Variants in TSHZ2 observed in about 807,000 individuals in gnomAD.
The protein encoded by TSHZ2 is teashirt zinc finger homeobox 2, also known as teashirt homolog 2.
A neutral mutation model predicts 74.4 loss-of-function variants in TSHZ2; 21 were observed. That is an observed-to-expected ratio of 0.28 (90% CI 0.20 to 0.41). The LOEUF (loss-of-function observed/expected upper bound fraction) is 0.41. Ranked by LOEUF, TSHZ2 falls within the 10% of genes least tolerant of loss-of-function variation. The pLI, the probability that TSHZ2 is intolerant of heterozygous loss-of-function variation, is 1.00. For synonymous variants in TSHZ2, 540 were observed against 515.3 expected (o/e 1.05, Z -0.65); for missense variants, 1,244 against 1,293.5 (o/e 0.96, Z 0.59).
intron 1 of TSHZ2, among the ~76,000 whole-genome samples, chr20:53,241,122 T>C (rs1168567968): frequency 2.6e-5 from 4 of 152,196 alleles, no homozygotes; most frequent in Non-Finnish European, 4.4e-5. Context: ...AGATGACAGC[T>C]CTTGGAAATA....
At chr20:53,171,744 A>G (rs538695620) in intron 1 of TSHZ2, among the ~76,000 whole-genome samples, 21 of 152,262 alleles carry the variant, frequency 1.4e-4, no homozygotes, top group African/African-American at 5.1e-4. Context: ...ATCAAAATAT[A>G]TGTTTTTCTC....
At chr20:53,204,671 C>T (rs949243921) in intron 1 of TSHZ2, among the ~76,000 whole-genome samples, 3 of 152,246 alleles carry the variant, frequency 2.0e-5, no homozygotes, top group Admixed American at 6.5e-5. Context: ...TCCTACCATG[C>T]ATCACTGTAT....
At chr20:53,130,219 C>T (rs1987064680) in intron 1 of TSHZ2, among the ~76,000 whole-genome samples, 1 of 113,422 alleles carries the variant, frequency 8.8e-6, no homozygotes, top group Non-Finnish European at 1.9e-5. Context: ...CTGTATCTCA[C>T]AGCTAAAATT....
chr20:53,201,789 A>G (rs1477204181), intron 1 of TSHZ2, among the ~76,000 whole-genome samples: 1 of 152,110 alleles, frequency 6.6e-6, no homozygotes, highest in African/African-American at 2.4e-5. Context: ...GCATTGTTAA[A>G]TGTTTGGCAG....
chr20:53,348,387 T>C (rs1980521019), intron 2 of TSHZ2, among the ~76,000 whole-genome samples: 1 of 152,188 alleles, frequency 6.6e-6, no homozygotes, highest in African/African-American at 2.4e-5. Flanking sequence ...AAATACTGCC[T>C]GGCATGTAGT....
At chr20:53,011,946 A>G (rs186908344) in intron 1 of TSHZ2, among the ~76,000 whole-genome samples, 1 of 152,250 alleles carries the variant, frequency 6.6e-6, no homozygotes, top group Admixed American at 6.5e-5. Flanking sequence ...GGTAGGTACA[A>G]TTGCCACCAC....
chr20:53,280,414 G>A (rs1166283396), intron 2 of TSHZ2, among the ~76,000 whole-genome samples: 8 of 152,044 alleles, frequency 5.3e-5, no homozygotes, highest in East Asian at 3.9e-4. Context: ...CAAAATAAGC[G>A]AATTAATACC....
intron 1 of TSHZ2, among the ~76,000 whole-genome samples, chr20:52,981,045 A>G (rs1981547894): frequency 6.6e-6 from 1 of 152,364 alleles, no homozygotes; most frequent in East Asian, 1.9e-4. Context: ...GAAATGCCAA[A>G]ATGAAAAGCC....
At chr20:53,046,202 C>G (rs934247807) in intron 1 of TSHZ2, among the ~76,000 whole-genome samples, 1 of 152,146 alleles carries the variant, frequency 6.6e-6, no homozygotes, top group Non-Finnish European at 1.5e-5. Flanking sequence ...CAGCCTTAAC[C>G]GCAAGCTCTA....
intron 1 of TSHZ2, among the ~76,000 whole-genome samples, chr20:53,128,653 G>A (rs982031978): frequency 2.2e-4 from 34 of 151,592 alleles, no homozygotes; most frequent in African/African-American, 6.3e-4. Flanking sequence ...ATGGAGTCTC[G>A]CACTGACGCC....
chr20:53,107,618 G>A (rs1314937562), intron 1 of TSHZ2, among the ~76,000 whole-genome samples: 2 of 152,210 alleles, frequency 1.3e-5, no homozygotes, highest in African/African-American at 4.8e-5. Flanking sequence ...TCTGAAATAT[G>A]AGCAGCCTGA....
chr20:53,467,251 T>C (rs939978507), intron 2 of TSHZ2, among the ~76,000 whole-genome samples: 1 of 152,268 alleles, frequency 6.6e-6, no homozygotes, highest in African/African-American at 2.4e-5. Context: ...CCCTTCTGAA[T>C]TGACAACTGA....
intron 2 of TSHZ2, among the ~76,000 whole-genome samples, chr20:53,359,102 T>C (rs1271071443): frequency 1.3e-5 from 2 of 152,144 alleles, no homozygotes; most frequent in Non-Finnish European, 2.9e-5. Context: ...TAAGTACTAT[T>C]TTTTTGGAGG....
At position 53,475,121 on chromosome 20, in the gene TSHZ2, T is replaced by C. The variant is rs938155273; in HGVS notation, c.*9-12023T>C. Reference sequence around the variant, plus strand: ...CAACGAGACAGAAAGTCAGCAAGGATACCCAGGAATTGAACTCAGCTCTGC... The same window carrying C: ...CAACGAGACAGAAAGTCAGCAAGGACACCCAGGAATTGAACTCAGCTCTGC... On this transcript the variant is annotated intron_variant, in intron 2 of 2. Coordinates refer to ENST00000371497, the MANE Select transcript of TSHZ2 (RefSeq NM_173485.6). Among the ~76,000 whole-genome samples, 8 of 139,270 alleles carry C rather than the reference T, an allele frequency of 5.7e-5. 2 individuals carry two copies. The highest frequency in any genetic ancestry group is 1.2e-4 in the Non-Finnish European group (8 of 64,748). The allele number at this position is 139,270 out of a possible 152,430, so 91.4% of individuals were successfully genotyped here.
intron 1 of TSHZ2, among the ~76,000 whole-genome samples, chr20:53,075,360 C>T (rs1936965): frequency 0.28 from 41,845 of 152,138 alleles, 5,991 homozygotes; most frequent in Non-Finnish European, 0.32. Context: ...TTGGGTTTTT[C>T]ATTCAACAGA....
intron 2 of TSHZ2, among the ~76,000 whole-genome samples, chr20:53,482,108 T>TAAAAAAA (rs570413572): frequency 1.3e-5 from 1 of 74,346 alleles, no homozygotes; most frequent in Non-Finnish European, 2.6e-5. Context: ...CTCCATCTCA[T>TAAAAAAA]AAAAAAAAAA....
At chr20:53,313,217 G>A (rs778344806) in intron 2 of TSHZ2, among the ~76,000 whole-genome samples, 15 of 152,186 alleles carry the variant, frequency 9.9e-5, no homozygotes, top group Non-Finnish European at 2.1e-4. Context: ...TTTATTTGAC[G>A]TGGACTGTTC....
chr20:53,369,799 GAAGA>G (rs1293583874), intron 2 of TSHZ2, among the ~76,000 whole-genome samples: 2 of 152,188 alleles, frequency 1.3e-5, no homozygotes, highest in East Asian at 3.8e-4. Context: ...AGGGAGAGTA[GAAGA>G]AAGGCAATGA....
At chr20:53,416,761 A>G (rs1305499683) in intron 2 of TSHZ2, among the ~76,000 whole-genome samples, 3 of 152,226 alleles carry the variant, frequency 2.0e-5, no homozygotes, top group Non-Finnish European at 4.4e-5. Flanking sequence ...TGCAAATCAT[A>G]ACAACAGGAC....
Sources: gnomAD v4.1 joint callset for allele counts (sites outside exome capture counted in the v4.1 genomes callset) on GRCh38, gnomAD v4.1.1 for gene constraint, MANE v1.5 for transcripts, NCBI Gene and HGNC (gene_info 2026-07-23, HGNC 2026-07-21) for gene names.